The following GRIP1 variants were observed in gnomAD, a reference collection of about 807,000 sequenced individuals.
GRIP1 encodes glutamate receptor-interacting protein 1.
GRIP1 carries 45 observed loss-of-function variants against 129.9 expected under a neutral mutation model. The observed-to-expected ratio is 0.35, with a 90% CI of 0.27 to 0.44. The LOEUF is 0.44. GRIP1 is among the 20% of genes least tolerant of loss of function. GRIP1 has a pLI of 1.00. For missense variants in GRIP1, 1,196 were observed against 1,396.8 expected (o/e 0.86, Z 2.29); for synonymous variants, 530 against 520.8 (o/e 1.02, Z -0.24).
chr12:66,710,230 TTG>T (rs1402648977), intron 1 of GRIP1, among the ~76,000 whole-genome samples: 3 of 151,956 alleles, frequency 2.0e-5, no homozygotes, highest in African/African-American at 7.2e-5. Context: ...GAATTACATC[TTG>T]AAAGAAGAGA....
intron 1 of GRIP1, among the ~76,000 whole-genome samples, chr12:66,752,430 G>T (rs2037157420): frequency 6.6e-6 from 1 of 152,120 alleles, no homozygotes; most frequent in African/African-American, 2.4e-5. Flanking sequence ...TTCTGATACA[G>T]AACTGAATAG....
At chr12:66,697,422 C>A (rs11176384) in intron 1 of GRIP1, among the ~76,000 whole-genome samples, 3 of 152,116 alleles carry the variant, frequency 2.0e-5, no homozygotes, top group Non-Finnish European at 4.4e-5. Context: ...TGCAGAAACA[C>A]AGCTGTTACA....
intron 1 of GRIP1, among the ~76,000 whole-genome samples, chr12:66,883,050 G>A (rs932481293): frequency 6.6e-6 from 1 of 151,830 alleles, no homozygotes; most frequent in South Asian, 2.1e-4. Flanking sequence ...TCCAAGTTAT[G>A]AGTCTACTAC....
chr12:66,464,818 CTGTG>C lies in GRIP1; in HGVS notation c.872+453_872+456del, dbSNP rs66669633. ...AAACCTGTATAAACTGGCAAGAGAA[CTGTG>C]TGTGTGTGTGTGTGTATGTGTATAT... On this transcript the variant is annotated intron_variant, in intron 8 of 24. Coordinates refer to ENST00000359742, the MANE Select transcript of GRIP1 (RefSeq NM_001366722.1). Among the ~76,000 whole-genome samples the C allele has an allele frequency of 4.8e-3, 721 of 150,516 alleles. 2 individuals are homozygous for C. Among genetic ancestry groups the C allele is most frequent in the Non-Finnish European group, 7.5e-3 (504 of 67,534 alleles).
At chr12:66,637,315 G>C (rs1174262595) in intron 1 of GRIP1, among the ~76,000 whole-genome samples, 2 of 152,088 alleles carry the variant, frequency 1.3e-5, no homozygotes, top group African/African-American at 4.8e-5. Context: ...GAGGGATATA[G>C]AGGGGCTTAA....
At chr12:66,668,505 A>G (rs992341890) in intron 1 of GRIP1, among the ~76,000 whole-genome samples, 1 of 152,148 alleles carries the variant, frequency 6.6e-6, no homozygotes, top group Admixed American at 6.5e-5. Flanking sequence ...CCCTGCCAGT[A>G]TTTTCCTCCA....
chr12:66,958,208 T>C (rs539455606), intron 1 of GRIP1, among the ~76,000 whole-genome samples: 9 of 152,292 alleles, frequency 5.9e-5, no homozygotes, highest in African/African-American at 2.2e-4. Context: ...GGCACAATCA[T>C]GGCTCATTAC....
intron 7 of GRIP1, among the ~76,000 whole-genome samples, chr12:66,483,024 G>A (rs2059849411): frequency 6.6e-6 from 1 of 152,154 alleles, no homozygotes; most frequent in Admixed American, 6.5e-5. Context: ...GTTTGCATGG[G>A]AAACACTCTG....
intron 1 of GRIP1, among the ~76,000 whole-genome samples, chr12:66,962,926 A>G (rs2041943381): frequency 1.3e-5 from 2 of 152,210 alleles, no homozygotes; most frequent in Admixed American, 1.3e-4. Flanking sequence ...ACACTTAACA[A>G]TCCACATCTA....
chr12:66,837,292 G>A (rs1182819630), intron 1 of GRIP1, among the ~76,000 whole-genome samples: 1 of 152,174 alleles, frequency 6.6e-6, no homozygotes, highest in African/African-American at 2.4e-5. Flanking sequence ...GAGATTTAGA[G>A]AAGAGTTGCA....
intron 1 of GRIP1, among the ~76,000 whole-genome samples, chr12:66,900,787 GA>G (rs2040832533): frequency 6.6e-6 from 1 of 152,186 alleles, no homozygotes; most frequent in Admixed American, 6.5e-5. Flanking sequence ...CCACCCATGG[GA>G]AGCTAGGAAA....
chr12:66,669,714 C>G (rs1279814000), intron 1 of GRIP1, among the ~76,000 whole-genome samples: 1 of 152,156 alleles, frequency 6.6e-6, no homozygotes, highest in Non-Finnish European at 1.5e-5. Context: ...ATCAATGTCT[C>G]TGGTGTAAAT....
intron 1 of GRIP1, among the ~76,000 whole-genome samples, chr12:66,747,200 A>C (rs1158447555): frequency 1.3e-5 from 2 of 152,190 alleles, no homozygotes; most frequent in African/African-American, 4.8e-5. Flanking sequence ...GATCTCTAGA[A>C]AGAATATAAG....
At chr12:66,872,001 C>T (rs1169627669) in intron 1 of GRIP1, among the ~76,000 whole-genome samples, 1 of 152,074 alleles carries the variant, frequency 6.6e-6, no homozygotes, top group Non-Finnish European at 1.5e-5. Context: ...CCAGCTCATA[C>T]ATAACTGTCA....
intron 14 of GRIP1, among the ~76,000 whole-genome samples, chr12:66,424,568 C>T (rs1271738460): frequency 1.3e-5 from 2 of 152,126 alleles, no homozygotes; most frequent in African/African-American, 4.8e-5. Context: ...TTCTTGTCCC[C>T]CCATTTTCCC....
At chr12:67,013,311 T>A (rs1305261082) in intron 1 of GRIP1, among the ~76,000 whole-genome samples, 9 of 152,206 alleles carry the variant, frequency 5.9e-5, no homozygotes, top group Non-Finnish European at 1.0e-4. Flanking sequence ...CTTCATTATC[T>A]TCAAATAGGT....
intron 15 of GRIP1, among the ~76,000 whole-genome samples, chr12:66,413,911 A>G (rs557545410): frequency 6.6e-6 from 1 of 152,312 alleles, no homozygotes; most frequent in South Asian, 2.1e-4. Context: ...CTTCATTTAA[A>G]AACTCTCAAT....
chr12:66,358,011 G>C (rs1003803639), intron 23 of GRIP1, among the ~76,000 whole-genome samples: 1 of 151,844 alleles, frequency 6.6e-6, no homozygotes, highest in Non-Finnish European at 1.5e-5. Context: ...CTCGTGCCTC[G>C]GCCTCCTGAG....
At chr12:66,818,843 T>C (rs1420304771) in intron 1 of GRIP1, among the ~76,000 whole-genome samples, 2 of 152,158 alleles carry the variant, frequency 1.3e-5, no homozygotes, top group Non-Finnish European at 2.9e-5. Flanking sequence ...CAGGGGTCCA[T>C]AGACTATACT....
Sources: allele counts gnomAD v4.1 joint callset (sites outside exome capture counted in the v4.1 genomes callset), GRCh38; gene constraint gnomAD v4.1.1; transcripts MANE v1.5; gene names NCBI Gene and HGNC (gene_info 2026-07-23, HGNC 2026-07-21).